The following PLXNC1 variants were observed in gnomAD, a reference collection of about 807,000 sequenced individuals.
PLXNC1 encodes plexin-C1.
In PLXNC1, 75 loss-of-function variants were observed where a neutral mutation model predicts 178.2. The observed-to-expected ratio is 0.42, with a 90% CI of 0.35 to 0.51. The LOEUF is 0.51. Ranked by LOEUF, PLXNC1 falls within the 20% of genes least tolerant of loss-of-function variation. The probability of loss-of-function intolerance (pLI) is 0.02; values close to 1 mark genes in which losing one functional copy is unlikely to be tolerated. For synonymous variants in PLXNC1, 790 were observed against 779.9 expected, an observed-to-expected ratio of 1.01 and a Z score of -0.22; for missense variants, 1,503 against 1,984.4, an observed-to-expected ratio of 0.76 and a Z score of 4.61.
At chr12:94,192,240 C>T (rs1467375158) in intron 4 of PLXNC1, among the ~76,000 whole-genome samples, 1 of 152,096 alleles carries the variant, frequency 6.6e-6, no homozygotes, top group East Asian at 1.9e-4. Context: ...AAATCGGATG[C>T]CATTCTTGGC....
At chr12:94,200,828 G>A (rs1055026599) in intron 4 of PLXNC1, among the ~76,000 whole-genome samples, 1 of 152,192 alleles carries the variant, frequency 6.6e-6, no homozygotes, top group African/African-American at 2.4e-5. Flanking sequence ...AACCCATTTT[G>A]TGTGAGTGTT....
rs2136080194 is a variant in PLXNC1 at position 94,259,604 on chromosome 12, T to C, written c.3127-6T>C. The C allele has an allele frequency of 6.3e-7, 1 of 1,578,738 alleles. No homozygotes were observed. Among genetic ancestry groups the C allele is most frequent in the Non-Finnish European group, 8.6e-7 (1 of 1,164,552 alleles). ...ATTATACTATATATTTTTTTCTTTT[T>C]ATCAGAACAGAGACGCCAACGACAA... On this transcript the variant is annotated splice_region_variant and splice_polypyrimidine_tract_variant and intron_variant, in intron 18 of 30. Coordinates refer to ENST00000258526, the MANE Select transcript of PLXNC1 (RefSeq NM_005761.3).
At chr12:94,208,450 A>G (rs1050183295) in intron 4 of PLXNC1, among the ~76,000 whole-genome samples, 3 of 152,168 alleles carry the variant, frequency 2.0e-5, no homozygotes, top group Admixed American at 2.0e-4. Flanking sequence ...GAGAGTAGAG[A>G]AAGGAGAAAA....
rs143277609 is a variant in PLXNC1 at position 94,289,174 on chromosome 12, G to C, written c.3880-5312G>C. 2.6e-5 allele frequency among the ~76,000 whole-genome samples: 4 copies of C among 152,110 alleles called. No individual in the cohort carries two copies. In the East Asian group the frequency reaches 7.7e-4, roughly 29 times the overall value. On this transcript the variant is annotated intron_variant, in intron 23 of 30. Transcript: ENST00000258526. ...TTATAAAGAAATCTTACCTTCACTT[G>C]CAAGTGGTTTGGAGGATGTGTAGCT...
intron 1 of PLXNC1, chr12:94,150,693 GCGCTGTGGTCGCCAGC>G (rs758959869): frequency 6.6e-6 from 1 of 152,562 alleles, no homozygotes; most frequent in Non-Finnish European, 1.5e-5. Flanking sequence ...TGCTCAGGGT[GCGCTGTGGTCGCCAGC>G]CGCCGGGAGA....
intron 20 of PLXNC1, chr12:94,262,769 TTTCCC>T: frequency 1.0e-6 from 1 of 985,438 alleles, no homozygotes; most frequent in Non-Finnish European, 1.2e-6. Flanking sequence ...GCCAGGTAAC[TTTCCC>T]TTCCAAGACA....
At chr12:94,200,279 A>G (rs1331184338) in intron 4 of PLXNC1, among the ~76,000 whole-genome samples, 2 of 152,206 alleles carry the variant, frequency 1.3e-5, no homozygotes, top group Admixed American at 1.3e-4. Flanking sequence ...CTCAGGCAGC[A>G]TGCACTTTCA....
chr12:94,237,781 A>C lies in PLXNC1; in HGVS notation c.2098A>C (p.Thr700Pro), dbSNP rs756311984. The part of the protein sequence containing the change: ...ASNITMILKG[T>P]STCDKDVIQV... ...GAACATCACAATGATCCTGAAAGGAACCAGTACCTGTGATAAGGATGTGTG... is the reference window on the plus strand; with the variant it reads ...GAACATCACAATGATCCTGAAAGGACCCAGTACCTGTGATAAGGATGTGTG... The change falls in exon 10 of 31, where the codon ACC (threonine) becomes CCC (proline). Residue 700 changes from threonine (T) to proline (P), a missense_variant. Physicochemically the swap from Thr to Pro is conservative, Grantham distance 38 (BLOSUM62 -1). Around this residue, in one of 4 missense-constraint regions of PLXNC1, gnomAD observed 615 missense variants for 698.6 expected, o/e 0.88. Coordinates refer to ENST00000258526, the MANE Select transcript of PLXNC1 (RefSeq NM_005761.3). The C allele has an allele frequency of 3.1e-6, 5 of 1,613,948 alleles. No individual in the cohort carries two copies. The highest frequency in any genetic ancestry group is 4.2e-6 in the Non-Finnish European group (5 of 1,179,950).
chr12:94,154,935 G>A (rs185926443), intron 1 of PLXNC1, among the ~76,000 whole-genome samples: 5 of 152,342 alleles, frequency 3.3e-5, no homozygotes, highest in East Asian at 3.9e-4. Flanking sequence ...ATGAAGGATC[G>A]TAGAGAATCA....
intron 21 of PLXNC1, among the ~76,000 whole-genome samples, chr12:94,279,174 T>C (rs967707200): frequency 2.0e-5 from 3 of 152,170 alleles, no homozygotes; most frequent in African/African-American, 7.2e-5. Context: ...TGAGGAGAAA[T>C]TAGAAATCAC....
intron 9 of PLXNC1, among the ~76,000 whole-genome samples, chr12:94,231,280 A>G (rs116423800): frequency 0.012 from 1,880 of 152,266 alleles, 33 homozygotes; most frequent in African/African-American, 0.041. Context: ...CAGAGGAACC[A>G]GCATATGCAC....
intron 2 of PLXNC1, among the ~76,000 whole-genome samples, chr12:94,180,128 C>G (rs369310872): frequency 1.3e-5 from 2 of 152,120 alleles, no homozygotes; most frequent in Admixed American, 6.5e-5. Flanking sequence ...CCATGGCCTC[C>G]TCTCTCTCAT....
At chr12:94,199,787 T>G (rs571730276) in intron 4 of PLXNC1, among the ~76,000 whole-genome samples, 37 of 152,200 alleles carry the variant, frequency 2.4e-4, no homozygotes, top group South Asian at 1.0e-3. Flanking sequence ...TGTTTGTTTG[T>G]TTGTTTGGTT....
At chr12:94,173,772 G>T (rs1363745081) in intron 2 of PLXNC1, among the ~76,000 whole-genome samples, 4 of 152,188 alleles carry the variant, frequency 2.6e-5, no homozygotes, top group African/African-American at 9.7e-5. Context: ...ATACCAAGAT[G>T]CAGATGTTTG....
chr12:94,233,921 T>C (rs1964175392), intron 9 of PLXNC1, among the ~76,000 whole-genome samples: 1 of 152,150 alleles, frequency 6.6e-6, no homozygotes, highest in African/African-American at 2.4e-5. Flanking sequence ...CTGAACCGAA[T>C]ACTCACTCCT....
intron 30 of PLXNC1, among the ~76,000 whole-genome samples, chr12:94,304,899 T>A: frequency 6.6e-6 from 1 of 152,182 alleles, no homozygotes; most frequent in East Asian, 1.9e-4. Flanking sequence ...GTGCTTGGAA[T>A]GGCTGTGACA....
chr12:94,237,683 T>C lies in PLXNC1; in HGVS notation c.2000T>C (p.Ile667Thr), dbSNP rs745637787. ...QALQVFYIKSIEPQKVSTLGK... is the reference protein window; with the variant it reads ...QALQVFYIKSTEPQKVSTLGK... ...CAATAGGTCTTCTACATTAAGTCCA[T>C]TGAGCCACAGAAAGTATCGACATTA... The change falls in exon 10 of 31, where the codon ATT becomes ACT. Residue 667 changes from isoleucine to threonine, a missense_variant. By Grantham distance (89) the Ile-to-Thr change is moderately conservative (BLOSUM62 -1). This residue lies in a region of PLXNC1 where 615 missense variants were observed against 698.6 expected (regional missense o/e 0.88). Transcript: ENST00000258526. 29 of 1,613,764 alleles carry C rather than the reference T, an allele frequency of 1.8e-5. No homozygotes were observed. The highest frequency in any genetic ancestry group is 3.3e-4 in the Middle Eastern group (2 of 6,084).
rs1352925528 is a variant in PLXNC1, at chr12:94,206,256, C to CT, written c.1440-3321dup. ...ACTTGGGGCCGGAGTAGGTTTGGAA[C>CT]TTTTTTTTTTTTTAAATCTGTTGGG... On this transcript the variant is annotated intron_variant, in intron 4 of 30. Transcript: ENST00000258526. 2.4e-3 allele frequency among the ~76,000 whole-genome samples: 339 copies of CT among 141,064 alleles called. 2 individuals carry two copies. The highest frequency in any genetic ancestry group is 4.4e-3 in the Admixed American group (62 of 14,102). 92.5% of individuals were successfully genotyped at this position (141,064 alleles called of 152,430 possible).
chr12:94,303,418 C>T (rs768441136), intron 28 of PLXNC1, among the ~76,000 whole-genome samples: 1 of 152,152 alleles, frequency 6.6e-6, no homozygotes, highest in Non-Finnish European at 1.5e-5. Flanking sequence ...TTTTTACAAC[C>T]ATTAGTAATG....
Sources: allele counts gnomAD v4.1 joint callset (sites outside exome capture counted in the v4.1 genomes callset), GRCh38; gene constraint gnomAD v4.1.1; regional missense constraint gnomAD v4.1.1; transcripts MANE v1.5; gene names NCBI Gene and HGNC (gene_info 2026-07-23, HGNC 2026-07-21).